The following SEMA6D variants were observed in gnomAD, a reference collection of about 807,000 sequenced individuals.
SEMA6D encodes semaphorin-6D.
Under a neutral mutation model 106.6 loss-of-function variants are expected in SEMA6D, and 35 were observed. The observed-to-expected ratio is 0.33, with a 90% CI of 0.25 to 0.44. The LOEUF (loss-of-function observed/expected upper bound fraction) is 0.44. SEMA6D is among the 20% of genes least tolerant of loss of function. The pLI, the probability that SEMA6D is intolerant of heterozygous loss-of-function variation, is 1.00. For missense variants in SEMA6D, 1,185 were observed against 1,345.9 expected (o/e 0.88, Z 1.87); for synonymous variants, 499 against 487.7 (o/e 1.02, Z -0.31).
chr15:47,469,139 A>G (rs1249407534), intron 2 of SEMA6D, among the ~76,000 whole-genome samples: 1 of 152,208 alleles, frequency 6.6e-6, no homozygotes, highest in African/African-American at 2.4e-5. Context: ...TATCACTGAC[A>G]TGATTGAGAA....
intron 1 of SEMA6D, among the ~76,000 whole-genome samples, chr15:47,337,669 C>T (rs991263975): frequency 2.0e-5 from 3 of 152,028 alleles, no homozygotes; most frequent in East Asian, 1.9e-4. Context: ...GCAATGGAAG[C>T]GTCAGTTGTC....
At chr15:47,399,244 A>T (rs1042795717) in intron 1 of SEMA6D, 1 of 152,212 alleles carries the variant, frequency 6.6e-6, no homozygotes, top group Non-Finnish European at 1.5e-5. Flanking sequence ...CACATAGCTG[A>T]TAATTGCAGG....
At chr15:47,281,619 A>T (rs920710246) in intron 1 of SEMA6D, among the ~76,000 whole-genome samples, 1 of 152,096 alleles carries the variant, frequency 6.6e-6, no homozygotes, top group Non-Finnish European at 1.5e-5. Flanking sequence ...GTTTCTTCCT[A>T]GTCTCAATGG....
At chr15:47,556,607 G>A (rs2045923528) in intron 3 of SEMA6D, among the ~76,000 whole-genome samples, 2 of 152,058 alleles carry the variant, frequency 1.3e-5, no homozygotes, top group South Asian at 4.2e-4. Context: ...TTGTCTATGG[G>A]TCATGCTACA....
chr15:47,494,540 A>G (rs2043575820), intron 3 of SEMA6D, among the ~76,000 whole-genome samples: 1 of 151,544 alleles, frequency 6.6e-6, no homozygotes, highest in Admixed American at 6.6e-5. Flanking sequence ...ATGCATCTTG[A>G]ACATAATTTG....
intron 1 of SEMA6D, among the ~76,000 whole-genome samples, chr15:47,237,216 T>C (rs2032605543): frequency 6.6e-6 from 1 of 152,174 alleles, no homozygotes; most frequent in African/African-American, 2.4e-5. Flanking sequence ...CCAGAGCTAA[T>C]GGAATTCCAT....
intron 1 of SEMA6D, among the ~76,000 whole-genome samples, chr15:47,216,921 C>G (rs2030673275): frequency 6.6e-6 from 1 of 152,114 alleles, no homozygotes; most frequent in Non-Finnish European, 1.5e-5. Flanking sequence ...TTGTGTCCCC[C>G]TAAATTCATT....
chr15:47,451,951 C>T (rs570440225), intron 2 of SEMA6D, among the ~76,000 whole-genome samples: 25 of 151,998 alleles, frequency 1.6e-4, no homozygotes, highest in South Asian at 6.2e-4. Flanking sequence ...AAGACAAAAA[C>T]CAAACATTGA....
At chr15:47,382,199 G>A (rs929723147) in intron 1 of SEMA6D, among the ~76,000 whole-genome samples, 2 of 152,120 alleles carry the variant, frequency 1.3e-5, no homozygotes, top group African/African-American at 2.4e-5. Context: ...ATTACATGAT[G>A]AGTCAAGCCT....
chr15:47,735,234 T>C (rs1346732412), intron 1 of SEMA6D, among the ~76,000 whole-genome samples: 1 of 152,172 alleles, frequency 6.6e-6, no homozygotes, highest in Non-Finnish European at 1.5e-5. Flanking sequence ...TGGTACCAAG[T>C]GATTGGCAGC....
chr15:47,407,506 G>C (rs2146129741), intron 1 of SEMA6D, among the ~76,000 whole-genome samples: 1 of 151,848 alleles, frequency 6.6e-6, no homozygotes, highest in East Asian at 1.9e-4. Flanking sequence ...GAGGTACTTA[G>C]GCTGTCGTTG....
intron 1 of SEMA6D, among the ~76,000 whole-genome samples, chr15:47,390,161 T>A (rs1192238842): frequency 6.6e-6 from 1 of 152,196 alleles, no homozygotes. Context: ...GGGGCTTAGC[T>A]GGACTTGATG....
At chr15:47,768,374 C>A (rs1374850855) in intron 17 of SEMA6D, among the ~76,000 whole-genome samples, 1 of 152,158 alleles carries the variant, frequency 6.6e-6, no homozygotes, top group East Asian at 1.9e-4. Flanking sequence ...TTGAAATCTG[C>A]TGAATATGTC....
At chr15:47,513,553 A>G (rs895485160) in intron 3 of SEMA6D, among the ~76,000 whole-genome samples, 1 of 152,156 alleles carries the variant, frequency 6.6e-6, no homozygotes, top group Non-Finnish European at 1.5e-5. Context: ...GTCGAAAGCA[A>G]TCTAAACTCC....
chr15:47,653,416 G>A (rs949659839), intron 4 of SEMA6D, among the ~76,000 whole-genome samples: 5 of 152,146 alleles, frequency 3.3e-5, no homozygotes, highest in African/African-American at 1.2e-4. Context: ...TAATACTCAC[G>A]CATTCTTCTC....
At chr15:47,637,257 C>T (rs1171389018) in intron 4 of SEMA6D, among the ~76,000 whole-genome samples, 1 of 152,194 alleles carries the variant, frequency 6.6e-6, no homozygotes, top group Non-Finnish European at 1.5e-5. Context: ...TAAAATATTT[C>T]TTTCCACCCC....
intron 3 of SEMA6D, among the ~76,000 whole-genome samples, chr15:47,471,925 T>TGTCACA (rs1236811913): frequency 3.9e-5 from 5 of 127,594 alleles, no homozygotes; most frequent in African/African-American, 1.8e-4. Context: ...TCTCTCTCTC[T>TGTCACA]CTCTCTCACA....
chr15:47,319,080 A>G (rs73401048), intron 1 of SEMA6D, among the ~76,000 whole-genome samples: 10,737 of 152,002 alleles, frequency 0.071, 622 homozygotes, highest in African/African-American at 0.16. Flanking sequence ...TTCTGTCAAC[A>G]TATCCTCAAG....
intron 4 of SEMA6D, among the ~76,000 whole-genome samples, chr15:47,650,494 T>A (rs992495847): frequency 1.9e-4 from 29 of 152,206 alleles, no homozygotes; most frequent in Admixed American, 6.5e-5. Flanking sequence ...AAAAAAATTC[T>A]AGGCATAGCT....
Sources: allele counts gnomAD v4.1 joint callset (sites outside exome capture counted in the v4.1 genomes callset), GRCh38; gene constraint gnomAD v4.1.1; transcripts MANE v1.5; gene names NCBI Gene and HGNC (gene_info 2026-07-23, HGNC 2026-07-21).